The following GRID1 variants were observed in gnomAD, a reference collection of about 807,000 sequenced individuals.
The protein encoded by GRID1 is glutamate ionotropic receptor delta type subunit 1.
Under a neutral mutation model 98.0 loss-of-function variants are expected in GRID1, and 28 were observed. The ratio of observed to expected loss-of-function variants is 0.29; its 90% CI spans 0.21 to 0.39. GRID1 has a LOEUF of 0.39. Among genes scored for constraint, GRID1 ranks in the 10% least tolerant of loss-of-function variants. The pLI is 1.00. For synonymous variants in GRID1, 553 were observed against 538.5 expected (o/e 1.03, Z -0.37); for missense variants, 1,111 against 1,340.5 (o/e 0.83, Z 2.67).
intron 5 of GRID1, among the ~76,000 whole-genome samples, chr10:85,888,400 C>G (rs1564619048): frequency 6.6e-6 from 1 of 152,242 alleles, no homozygotes; most frequent in Non-Finnish European, 1.5e-5. Context: ...CTTCCCAGAT[C>G]TACTGGTTTA....
At chr10:85,708,829 G>C (rs1454254265) in intron 12 of GRID1, 1 of 164,728 alleles carries the variant, frequency 6.1e-6, no homozygotes, top group Non-Finnish European at 1.3e-5. Flanking sequence ...AGACTGTGCA[G>C]TGACCTCCAC....
Position 85,948,846 on chromosome 10 carries a change from T to C in GRID1, c.727-32607A>G, listed in dbSNP as rs1470375825. On this transcript the variant is annotated intron_variant, in intron 4 of 15. Transcript: ENST00000327946. Reference sequence around the variant, plus strand: ...ACATGTGCTTTAAGGAAAAAATAAATATATGTAAACTGCTTCCAAAAATCT... The same window carrying C: ...ACATGTGCTTTAAGGAAAAAATAAACATATGTAAACTGCTTCCAAAAATCT... 1.3e-5 allele frequency among the ~76,000 whole-genome samples: 2 copies of C among 152,192 alleles called. 1 individual carries two copies. Among genetic ancestry groups the C allele is most frequent in the Non-Finnish European group, 2.9e-5 (2 of 68,024 alleles).
At chr10:86,029,944 C>T (rs1214346251) in intron 4 of GRID1, among the ~76,000 whole-genome samples, 1 of 152,166 alleles carries the variant, frequency 6.6e-6, no homozygotes, top group African/African-American at 2.4e-5. Flanking sequence ...CTATGTTACC[C>T]TTGCAGGAAT....
At chr10:86,133,267 G>A (rs1844866000) in intron 4 of GRID1, among the ~76,000 whole-genome samples, 1 of 152,180 alleles carries the variant, frequency 6.6e-6, no homozygotes, top group Non-Finnish European at 1.5e-5. Flanking sequence ...GGGTCTGGTT[G>A]TACCAGTGTA....
intron 8 of GRID1, among the ~76,000 whole-genome samples, chr10:85,740,888 A>T (rs1427407423): frequency 6.6e-6 from 1 of 151,860 alleles, no homozygotes; most frequent in African/African-American, 2.4e-5. Context: ...AGTAGCTGGG[A>T]TTACAGGTGT....
intron 3 of GRID1, among the ~76,000 whole-genome samples, chr10:86,182,687 C>T (rs998367782): frequency 3.3e-5 from 5 of 152,232 alleles, no homozygotes; most frequent in Non-Finnish European, 1.5e-5. Context: ...AAGGACTATT[C>T]GTTGAAACTG....
intron 12 of GRID1, among the ~76,000 whole-genome samples, chr10:85,698,094 T>C (rs981548163): frequency 1.3e-5 from 2 of 152,054 alleles, no homozygotes; most frequent in Admixed American, 1.3e-4. Context: ...ATACCAAGGG[T>C]AATCTGGAGA....
chr10:86,194,800 C>T (rs1428598640), intron 3 of GRID1, among the ~76,000 whole-genome samples: 1 of 151,976 alleles, frequency 6.6e-6, no homozygotes, highest in Non-Finnish European at 1.5e-5. Flanking sequence ...AACAGGACTG[C>T]ACTCGGCCAC....
chr10:85,907,893 GTAA>G (rs1457411656), intron 5 of GRID1, among the ~76,000 whole-genome samples: 2 of 152,266 alleles, frequency 1.3e-5, no homozygotes, highest in Non-Finnish European at 2.9e-5. Context: ...ATCAGTCAAT[GTAA>G]TTCAGCATAT....
At chr10:86,162,041 G>C (rs904133260) in intron 3 of GRID1, among the ~76,000 whole-genome samples, 1 of 152,106 alleles carries the variant, frequency 6.6e-6, no homozygotes, top group Non-Finnish European at 1.5e-5. Context: ...CTGGAGGGAC[G>C]GCAAGACACC....
intron 4 of GRID1, among the ~76,000 whole-genome samples, chr10:86,119,122 C>T (rs915758811): frequency 1.3e-5 from 2 of 152,102 alleles, no homozygotes; most frequent in African/African-American, 2.4e-5. Flanking sequence ...ATCACTTGAG[C>T]TCAGGAGTTC....
chr10:86,261,924 GGCCCAAAGA>G (rs1164601760), intron 2 of GRID1, among the ~76,000 whole-genome samples: 1 of 152,214 alleles, frequency 6.6e-6, no homozygotes, highest in Non-Finnish European at 1.5e-5. Context: ...AGGACATTGG[GGCCCAAAGA>G]GCTGTGTGCC....
At chr10:86,255,336 T>C (rs1846900733) in intron 2 of GRID1, among the ~76,000 whole-genome samples, 1 of 152,256 alleles carries the variant, frequency 6.6e-6, no homozygotes, top group African/African-American at 2.4e-5. Flanking sequence ...AATGCCTATA[T>C]AATTCACAAG....
intron 8 of GRID1, among the ~76,000 whole-genome samples, chr10:85,819,141 C>T (rs867314567): frequency 7.9e-5 from 12 of 152,134 alleles, no homozygotes; most frequent in Non-Finnish European, 1.3e-4. Flanking sequence ...ATCCTCATTA[C>T]GTAAGAATTC....
intron 4 of GRID1, among the ~76,000 whole-genome samples, chr10:86,126,810 T>A (rs952473553): frequency 6.6e-6 from 1 of 152,200 alleles, no homozygotes; most frequent in Non-Finnish European, 1.5e-5. Context: ...CTCAGGGGAA[T>A]CTTGGCAGAG....
intron 5 of GRID1, among the ~76,000 whole-genome samples, chr10:85,875,105 C>T (rs770454550): frequency 1.2e-4 from 18 of 152,018 alleles, no homozygotes; most frequent in Non-Finnish European, 2.4e-4. Flanking sequence ...GTCTTGAACT[C>T]GACCTCAGGT....
At chr10:86,112,111 T>C (rs1411232894) in intron 4 of GRID1, among the ~76,000 whole-genome samples, 1 of 152,112 alleles carries the variant, frequency 6.6e-6, no homozygotes, top group Non-Finnish European at 1.5e-5. Context: ...ACAGGAGTTG[T>C]CCAAGTCATC....
chr10:85,903,014 TCGCATTTTTAG>T (rs1427493876), intron 5 of GRID1, among the ~76,000 whole-genome samples: 1 of 152,114 alleles, frequency 6.6e-6, no homozygotes, highest in Non-Finnish European at 1.5e-5. Context: ...TTGGGCCTCT[TCGCATTTTTAG>T]TAATGCAACC....
intron 8 of GRID1, among the ~76,000 whole-genome samples, chr10:85,848,364 T>C (rs972429974): frequency 6.6e-6 from 1 of 152,146 alleles, no homozygotes; most frequent in Non-Finnish European, 1.5e-5. Flanking sequence ...CACTATTCTA[T>C]AATAATGTGG....
Sources: gnomAD v4.1 joint callset for allele counts (sites outside exome capture counted in the v4.1 genomes callset) on GRCh38, gnomAD v4.1.1 for gene constraint, MANE v1.5 for transcripts, NCBI Gene and HGNC (gene_info 2026-07-23, HGNC 2026-07-21) for gene names.